SYNPR: variants seen among roughly 807,000 people sequenced by gnomAD.
The protein encoded by SYNPR is synaptoporin.
A neutral mutation model predicts 32.9 loss-of-function variants in SYNPR; 23 were observed. The ratio of observed to expected loss-of-function variants is 0.70; its 90% CI spans 0.50 to 0.99. The LOEUF is 0.99. Among genes scored for constraint, SYNPR ranks in the 50% least tolerant of loss-of-function variants. The pLI, the probability that SYNPR is intolerant of heterozygous loss-of-function variation, is 0.00. For synonymous variants in SYNPR, 146 were observed against 135.9 expected, an observed-to-expected ratio of 1.07 and a Z score of -0.52; for missense variants, 318 against 349.3, an observed-to-expected ratio of 0.91 and a Z score of 0.71.
chr3:63,573,802 T>G (rs529010744), intron 4 of SYNPR, among the ~76,000 whole-genome samples: 28 of 152,356 alleles, frequency 1.8e-4, no homozygotes, highest in African/African-American at 6.5e-4. Flanking sequence ...TTGTGAATTT[T>G]CTTGTCATCA....
chr3:63,395,622 C>A (rs1051210461), intron 2 of SYNPR, among the ~76,000 whole-genome samples: 5 of 152,182 alleles, frequency 3.3e-5, no homozygotes, highest in African/African-American at 1.2e-4. Context: ...CTCACCTTAC[C>A]TGTGCTAGTG....
chr3:63,474,064 G>A (rs1013556026), intron 2 of SYNPR, among the ~76,000 whole-genome samples: 3 of 152,156 alleles, frequency 2.0e-5, no homozygotes, highest in African/African-American at 7.2e-5. Flanking sequence ...GGGGAAGGAA[G>A]GAAAGCCAGC....
At chr3:63,603,604 T>C (rs1465150853) in intron 4 of SYNPR, among the ~76,000 whole-genome samples, 1 of 152,202 alleles carries the variant, frequency 6.6e-6, no homozygotes, top group Non-Finnish European at 1.5e-5. Context: ...GAGATGATCA[T>C]GTGGTTTTTA....
At chr3:63,220,816 T>C in the SYNPR span, among the ~76,000 whole-genome samples, 1 of 152,236 alleles carries the variant, frequency 6.6e-6, no homozygotes, top group African/African-American at 2.4e-5. Flanking sequence ...TAATAAACTC[T>C]GGCCTTTTCC....
At chr3:63,329,231 G>A (rs1047330197) in intron 2 of SYNPR, among the ~76,000 whole-genome samples, 1 of 152,066 alleles carries the variant, frequency 6.6e-6, no homozygotes, top group African/African-American at 2.4e-5. Flanking sequence ...AGTTTATTAT[G>A]TATCAGTCAC....
chr3:63,521,604 C>T (rs1206181081), intron 3 of SYNPR, among the ~76,000 whole-genome samples: 1 of 152,146 alleles, frequency 6.6e-6, no homozygotes, highest in African/African-American at 2.4e-5. Context: ...CTAGTCACTA[C>T]GTTGGAGTAT....
At chr3:63,421,491 T>A (rs2367833) in intron 2 of SYNPR, among the ~76,000 whole-genome samples, 141,627 of 151,278 alleles carry the variant, frequency 0.94, 66,336 homozygotes, top group East Asian at 0.97. Context: ...TCAGACTAAA[T>A]ATATATATAT....
intron 2 of SYNPR, among the ~76,000 whole-genome samples, chr3:63,290,126 T>C (rs1334802553): frequency 1.3e-5 from 1 of 78,196 alleles, no homozygotes; most frequent in Non-Finnish European, 2.7e-5. Context: ...CAAGACTCCG[T>C]CTCAAAAAAC....
chr3:63,297,864 T>TA (rs1282926936), intron 2 of SYNPR, among the ~76,000 whole-genome samples: 1 of 152,100 alleles, frequency 6.6e-6, no homozygotes, highest in Non-Finnish European at 1.5e-5. Flanking sequence ...TGGGTCCAGG[T>TA]GGAGTCAGTT....
chr3:63,403,928 G>A (rs1236286493), intron 2 of SYNPR, among the ~76,000 whole-genome samples: 1 of 152,190 alleles, frequency 6.6e-6, no homozygotes, highest in Admixed American at 6.5e-5. Context: ...GTAAACATCA[G>A]CATTCCTATC....
At chr3:63,297,376 T>C (rs947085945) in intron 2 of SYNPR, among the ~76,000 whole-genome samples, 12 of 152,346 alleles carry the variant, frequency 7.9e-5, no homozygotes, top group African/African-American at 2.9e-4. Context: ...TTATAGATCA[T>C]TTTAAACATC....
the SYNPR span, among the ~76,000 whole-genome samples, chr3:63,220,696 T>C: frequency 6.6e-6 from 1 of 152,178 alleles, no homozygotes; most frequent in African/African-American, 2.4e-5. Context: ...CCAGTACTCA[T>C]AGAACCAGCC....
At chr3:63,343,538 G>T (rs2087397573) in intron 2 of SYNPR, among the ~76,000 whole-genome samples, 1 of 152,284 alleles carries the variant, frequency 6.6e-6, no homozygotes, top group South Asian at 2.1e-4. Context: ...TGAACTCCTG[G>T]TAAGGACTGG....
chr3:63,549,494 T>C (rs905940), intron 3 of SYNPR, among the ~76,000 whole-genome samples: 87,487 of 151,964 alleles, frequency 0.58, 26,220 homozygotes, highest in African/African-American at 0.75. Flanking sequence ...AGGTCATTAT[T>C]CTTTCCAAGC....
intron 4 of SYNPR, among the ~76,000 whole-genome samples, chr3:63,604,617 C>G (rs756485612): frequency 1.3e-5 from 2 of 152,138 alleles, no homozygotes; most frequent in African/African-American, 2.4e-5. Flanking sequence ...TATCCAGGAG[C>G]AGGCTGTTTA....
intron 2 of SYNPR, among the ~76,000 whole-genome samples, chr3:63,427,856 T>C (rs1699919821): frequency 1.3e-5 from 2 of 152,224 alleles, no homozygotes; most frequent in Non-Finnish European, 2.9e-5. Flanking sequence ...ATACTCTTGT[T>C]TAATAACCAC....
At chr3:63,399,244 C>G (rs547877516) in intron 2 of SYNPR, among the ~76,000 whole-genome samples, 2 of 152,242 alleles carry the variant, frequency 1.3e-5, no homozygotes, top group South Asian at 2.1e-4. Context: ...GTGTCTTAGT[C>G]CCTTCTGGCT....
chr3:63,360,619 G>A (rs1453359957), intron 2 of SYNPR, among the ~76,000 whole-genome samples: 7 of 152,092 alleles, frequency 4.6e-5, no homozygotes, highest in Non-Finnish European at 1.5e-5. Flanking sequence ...CCCTTGCTTG[G>A]CACATTAACC....
intron 3 of SYNPR, among the ~76,000 whole-genome samples, chr3:63,508,529 T>C (rs1486980275): frequency 6.6e-6 from 1 of 152,094 alleles, no homozygotes; most frequent in African/African-American, 2.4e-5. Context: ...TGTGATGTCA[T>C]TGAGAAGCTG....
Sources: allele counts gnomAD v4.1 joint callset (sites outside exome capture counted in the v4.1 genomes callset), GRCh38; gene constraint gnomAD v4.1.1; transcripts MANE v1.5; gene names NCBI Gene and HGNC (gene_info 2026-07-23, HGNC 2026-07-21).